Variants in SLCO2B1 observed in about 807,000 individuals in gnomAD.
SLCO2B1 encodes the protein OATP-RP2.
In SLCO2B1, 41 loss-of-function variants were observed where a neutral mutation model predicts 67.3. The observed-to-expected ratio is 0.61, with a 90% CI of 0.47 to 0.79. The LOEUF (loss-of-function observed/expected upper bound fraction) is 0.79. Ranked by LOEUF, SLCO2B1 falls within the 30% of genes least tolerant of loss-of-function variation. The probability of loss-of-function intolerance (pLI) is 0.00; values close to 1 mark genes in which losing one functional copy is unlikely to be tolerated. For missense variants in SLCO2B1, 837 were observed against 920.1 expected (o/e 0.91, Z 1.17); for synonymous variants, 379 against 381.4 (o/e 0.99, Z 0.07).
chr11:75,192,128 C>G (rs930954318), intron 8 of SLCO2B1, among the ~76,000 whole-genome samples: 2 of 152,162 alleles, frequency 1.3e-5, no homozygotes, highest in Admixed American at 1.3e-4. Flanking sequence ...TAGGCCCTAG[C>G]TCTGTCCCAC....
intron 4 of SLCO2B1, among the ~76,000 whole-genome samples, chr11:75,167,402 A>G (rs1159418057): frequency 2.0e-5 from 3 of 152,166 alleles, no homozygotes; most frequent in African/African-American, 4.8e-5. Context: ...TTACTACCAT[A>G]CAAACCCCTC....
chr11:75,172,565 G>A lies in SLCO2B1; in HGVS notation c.968G>A (p.Arg323Lys). ...TTAGCAGTCACAGACTCACCTGCCA[G>A]GAAGGTAAGCTCCCTCCATGTCACC... ...KVLAVTDSPA[R>K]KGKDSPSKQS... Residue 323 changes from arginine (R) to lysine (K), a missense_variant, in exon 7 of 14, where the codon AGG becomes AAG. Physicochemically the swap from Arg to Lys is conservative, Grantham distance 26. Transcript: ENST00000289575. 1 of 1,613,406 alleles carries A rather than the reference G, an allele frequency of 6.2e-7. No individual in the cohort carries two copies. The highest frequency in any genetic ancestry group is 8.5e-7 in the Non-Finnish European group (1 of 1,179,512).
chr11:75,164,656 C>A (rs1949865393), intron 3 of SLCO2B1, among the ~76,000 whole-genome samples: 1 of 152,062 alleles, frequency 6.6e-6, no homozygotes, highest in Non-Finnish European at 1.5e-5. Context: ...TTCAGTCCTT[C>A]CCCCGCCAGA....
At chr11:75,187,782 GAGGGTGATATTTA>G (rs1395216446) in intron 7 of SLCO2B1, among the ~76,000 whole-genome samples, 1 of 152,146 alleles carries the variant, frequency 6.6e-6, no homozygotes, top group Non-Finnish European at 1.5e-5. Context: ...TGATGTGAAT[GAGGGTGATATTTA>G]AGCTGAAAGG....
intron 1 of SLCO2B1, among the ~76,000 whole-genome samples, chr11:75,156,294 C>T (rs1220165275): frequency 1.3e-5 from 2 of 152,100 alleles, no homozygotes; most frequent in Non-Finnish European, 2.9e-5. Context: ...GAGTTTATTG[C>T]CTAGTCAGGC....
intron 1 of SLCO2B1, among the ~76,000 whole-genome samples, chr11:75,160,737 G>A (rs1189831409): frequency 1.3e-5 from 2 of 152,154 alleles, no homozygotes; most frequent in East Asian, 3.8e-4. Flanking sequence ...CTAGCCACAC[G>A]CACTTCCATT....
At position 75,186,051 on chromosome 11, in the gene SLCO2B1, C is replaced by A. The variant is rs542789748; in HGVS notation, c.973-2085C>A. On this transcript the variant is annotated intron_variant, in intron 7 of 13. Coordinates refer to ENST00000289575, the MANE Select transcript of SLCO2B1 (RefSeq NM_007256.5). ...AATGCCTGACTTTCTGGGAATGCAG[C>A]CCAGCAAGTCCCAGCCTCATTTTCC... 2.5e-3 allele frequency among the ~76,000 whole-genome samples: 374 copies of A among 152,190 alleles called. 5 individuals are homozygous for A. Among genetic ancestry groups the A allele is most frequent in the African/African-American group, 8.7e-3 (363 of 41,512 alleles).
At chr11:75,195,474 T>C (rs2140340181) in intron 9 of SLCO2B1, among the ~76,000 whole-genome samples, 1 of 152,160 alleles carries the variant, frequency 6.6e-6, no homozygotes, top group East Asian at 1.9e-4. Flanking sequence ...CTTCCCTCTC[T>C]GATAGAGTGC....
chr11:75,198,887 A>T (rs1945141838), intron 10 of SLCO2B1, among the ~76,000 whole-genome samples: 1 of 152,194 alleles, frequency 6.6e-6, no homozygotes, highest in Non-Finnish European at 1.5e-5. Flanking sequence ...TGAGACTCTG[A>T]GGCAGCAGAA....
In SLCO2B1 at chr11:75,154,763, TG is replaced by T. The variant is rs1276408227; in HGVS notation, c.16+3368del. Among the ~76,000 whole-genome samples, 3 of 152,356 alleles carry T rather than the reference TG, an allele frequency of 2.0e-5. No individual in the cohort carries two copies. In the East Asian group the frequency reaches 5.8e-4, roughly 29 times the overall value. On this transcript the variant is annotated intron_variant, in intron 1 of 13. Coordinates refer to ENST00000289575, the MANE Select transcript of SLCO2B1 (RefSeq NM_007256.5). The stretch of plus-strand genomic sequence containing the variant: ...AAGCCTGCCCTGACCCCAGGGTCTC[TG>T]GTGCCAAAACAGCCTGAAGACGGTC...
At position 75,199,050 on chromosome 11, in the gene SLCO2B1, C is replaced by CAG. The variant is rs1238181944; in HGVS notation, c.1600-1173_1600-1172dup. 1.1e-4 allele frequency among the ~76,000 whole-genome samples: 17 copies of CAG among 152,320 alleles called. No homozygotes were observed. In the East Asian group the frequency reaches 3.3e-3, roughly 29 times the overall value. ...CAACCTCTGCTTCTGAGAAAAGGAG[C>CAG]AGGGGCAGGATGCCTCTCTCCCAGG... On this transcript the variant is annotated intron_variant, in intron 10 of 13. Coordinates refer to ENST00000289575, the MANE Select transcript of SLCO2B1 (RefSeq NM_007256.5).
At chr11:75,182,758 A>C (rs1390807476) in intron 7 of SLCO2B1, among the ~76,000 whole-genome samples, 1 of 152,072 alleles carries the variant, frequency 6.6e-6, no homozygotes, top group East Asian at 1.9e-4. Flanking sequence ...AAAAAGTGCA[A>C]TGTAGACCAA....
chr11:75,196,226 T>G, intron 9 of SLCO2B1: 1 of 336,368 alleles, frequency 3.0e-6, no homozygotes. Flanking sequence ...GACACTAACT[T>G]CTGGGAGGAA....
rs764545545 is a variant in SLCO2B1 at position 75,169,264 on chromosome 11, C to T, written c.540C>T (p.Tyr180=). 6 of 1,614,210 alleles carry T rather than the reference C, an allele frequency of 3.7e-6. No homozygotes were observed. Among genetic ancestry groups the T allele is most frequent in the Non-Finnish European group, 5.1e-6 (6 of 1,180,038 alleles). ...CCTCCAATGGCAACTGCTCAAGCTA[C>T]ACAGAAACCCAGCATCTGAGTGTGG... The part of the protein sequence containing the change: ...SAPSNGNCSS[Y]TETQHLSVVG... Residue 180 remains tyrosine (Y), a synonymous_variant, in exon 5 of 14, where the codon TAC becomes TAT. Coordinates refer to ENST00000289575, the MANE Select transcript of SLCO2B1 (RefSeq NM_007256.5).
intron 9 of SLCO2B1, among the ~76,000 whole-genome samples, chr11:75,195,863 C>T (rs1945090670): frequency 6.6e-6 from 1 of 152,200 alleles, no homozygotes; most frequent in Admixed American, 6.5e-5. Context: ...CCAGGGTGAC[C>T]TCCCCCTCAG....
intron 1 of SLCO2B1, among the ~76,000 whole-genome samples, chr11:75,152,844 G>T: frequency 6.6e-6 from 1 of 152,150 alleles, no homozygotes; most frequent in Non-Finnish European, 1.5e-5. Context: ...GCTGTGGCCA[G>T]GCTCACCACA....
rs1344395740 is a variant in SLCO2B1 at position 75,151,389 on chromosome 11, C to A, written c.8C>A (p.Pro3His). 1 of 1,613,662 alleles carries A rather than the reference C, an allele frequency of 6.2e-7. No individual in the cohort carries two copies. Among genetic ancestry groups the A allele is most frequent in the South Asian group, 1.1e-5 (1 of 90,926 alleles). ...CACTGCACTCCAGCAGTCATGGGACCCAGGATAGGTAAGTCCGAACAAATT... is the reference window on the plus strand; with the variant it reads ...CACTGCACTCCAGCAGTCATGGGACACAGGATAGGTAAGTCCGAACAAATT... MG[P>H]RIGPAGEVPQ... The change falls in exon 1 of 14, where the codon CCC becomes CAC. Residue 3 changes from proline (P) to histidine (H), a missense_variant. By Grantham distance (77) the Pro-to-His change is moderately conservative (BLOSUM62 -2). Coordinates refer to ENST00000289575, the MANE Select transcript of SLCO2B1 (RefSeq NM_007256.5).
intron 6 of SLCO2B1, 40 bp downstream of exon 6, chr11:75,169,804 C>A: frequency 6.5e-7 from 1 of 1,526,736 alleles, no homozygotes; most frequent in Non-Finnish European, 9.1e-7. Context: ...CCCTAGCTAA[C>A]TGACTGCCAC....
chr11:75,201,652 C>T (rs1945185414), intron 11 of SLCO2B1: 1 of 152,200 alleles, frequency 6.6e-6, no homozygotes, highest in Admixed American at 6.5e-5. Flanking sequence ...TAGAGTGGCT[C>T]ACAGAGCTCA....
Sources: gnomAD v4.1 joint callset for allele counts (sites outside exome capture counted in the v4.1 genomes callset) on GRCh38, gnomAD v4.1.1 for gene constraint, MANE v1.5 for transcripts, NCBI Gene and HGNC (gene_info 2026-07-23, HGNC 2026-07-21) for gene names.